The following PSTPIP1 variants were observed in gnomAD, a reference collection of about 807,000 sequenced individuals.
PSTPIP1 encodes the protein proline-serine-threonine phosphatase-interacting protein 1.
PSTPIP1 carries 66 observed loss-of-function variants against 69.6 expected under a neutral mutation model. The observed-to-expected ratio is 0.95, with a 90% confidence interval of 0.78 to 1.16. The LOEUF is 1.16. PSTPIP1 is among the 50% of genes most tolerant of loss of function. The pLI is 0.00. For missense variants in PSTPIP1, 603 were observed against 557.4 expected, an observed-to-expected ratio of 1.08 and a Z score of -0.82; for synonymous variants, 266 against 222.7, an observed-to-expected ratio of 1.19 and a Z score of -1.73.
intron 5 of PSTPIP1, chr15:77,026,313 A>G (rs1169031730): frequency 2.4e-6 from 1 of 420,212 alleles, no homozygotes; most frequent in African/African-American, 2.0e-5. Context: ...TGAGCCTCTC[A>G]GGGCCTTAGT....
chr15:77,007,971 C>CG lies in PSTPIP1; in HGVS notation c.37-10177_37-10176insG, dbSNP rs368613198. On this transcript the variant is annotated intron_variant, in intron 1 of 14. Transcript: ENST00000558012. ...CTTGGTCACCTCCTGAACAATTGCC[C>CG]ATTGACCTGGACCAGCTCTGAGCCC... The CG allele has an allele frequency of 1.2e-3, 565 of 455,722 alleles. 3 individuals carry two copies. The highest frequency in any genetic ancestry group is 2.1e-3 in the Non-Finnish European group (486 of 226,638). The allele number at this position is 455,722 out of a possible 1,614,324, so 28.2% of individuals were successfully genotyped here. A position where few individuals can be genotyped will look rare whatever the true frequency, so the allele number is the denominator to read the frequency against.
In PSTPIP1 at chr15:77,035,852, AC is replaced by A; in HGVS notation, c.1037del (p.Thr346LysfsTer43). The stretch of plus-strand genomic sequence containing the variant: ...CCCCGAGCGGAATGAGGGTGTCTAC[AC>A]AGCCATCGCAGTGCAGGAGATACAG... ...PTPERNEGVY[T>X]AIAVQEIQGN... On this transcript the variant is annotated frameshift_variant, in exon 14 of 15. Transcript: ENST00000558012. LOFTEE classifies it high-confidence loss of function. The A allele has an allele frequency of 6.2e-7, 1 of 1,610,672 alleles. No homozygotes were observed. The highest frequency in any genetic ancestry group is 8.5e-7 in the Non-Finnish European group (1 of 1,179,648).
Position 77,037,057 on chromosome 15 carries a change from C to T in PSTPIP1, c.1132C>T (p.Leu378=), listed in dbSNP as rs1280651757. The T allele has an allele frequency of 3.1e-6, 5 of 1,612,078 alleles. No individual in the cohort carries two copies. The highest frequency in any genetic ancestry group is 4.5e-5 in the East Asian group (2 of 44,882). Residue 378 remains leucine (L), a synonymous_variant, in exon 15 of 15, where the codon CTG becomes TTG. Coordinates refer to ENST00000558012, the MANE Select transcript of PSTPIP1 (RefSeq NM_003978.5). ...YDYTAQNPDE[L]DLSAGDILEV... ...ATCTCTTGGCCAGAACCCAGATGAG[C>T]TGGACCTGTCCGCGGGAGACATCCT...
chr15:77,023,977 CCTT>C (rs1369139998), intron 3 of PSTPIP1: 3 of 152,396 alleles, frequency 2.0e-5, no homozygotes, highest in Non-Finnish European at 2.9e-5. Context: ...CCACCCCTCT[CCTT>C]CTTCCTCTCC....
chr15:77,034,987 A>G (rs1340773878), intron 12 of PSTPIP1, among the ~76,000 whole-genome samples: 1 of 152,222 alleles, frequency 6.6e-6, no homozygotes, highest in African/African-American at 2.4e-5. Context: ...GTGGGCCCAC[A>G]GGGAGGAGGG....
intron 1 of PSTPIP1, among the ~76,000 whole-genome samples, chr15:77,011,701 C>T (rs1014905731): frequency 2.0e-5 from 3 of 152,168 alleles, no homozygotes; most frequent in Non-Finnish European, 4.4e-5. Context: ...CGCAGCAGTA[C>T]TTGAGTCAGG....
chr15:76,996,769 G>T (rs2075590335), intron 1 of PSTPIP1, among the ~76,000 whole-genome samples: 2 of 152,338 alleles, frequency 1.3e-5, no homozygotes, highest in East Asian at 3.9e-4. Context: ...AGACAGGGTG[G>T]GCCCAGCCCA....
Position 77,037,173 on chromosome 15 carries a change from T to C in PSTPIP1, c.1248T>C (p.Leu416=), listed in dbSNP as rs556322755. Residue 416 remains leucine, a synonymous_variant, in exon 15 of 15, where the codon CTT becomes CTC. Transcript: ENST00000558012. The stretch of plus-strand genomic sequence containing the variant: ...TCCCTGGTTCCTACCTGGAGAAGCT[T>C]TGAGGAAGGGCCAGGAGCCCCTTCG... The part of the protein sequence containing the change: ...GFVPGSYLEK[L] The C allele has an allele frequency of 1.1e-5, 17 of 1,604,614 alleles. No homozygotes were observed. Among genetic ancestry groups the C allele is most frequent in the African/African-American group, 9.4e-5 (7 of 74,816 alleles).
intron 1 of PSTPIP1, among the ~76,000 whole-genome samples, chr15:76,996,954 CA>C (rs750011080): frequency 2.0e-5 from 3 of 152,190 alleles, no homozygotes; most frequent in Non-Finnish European, 2.9e-5. Flanking sequence ...AAACCCAGGC[CA>C]CTCTGTAGCC....
At chr15:77,034,266 TCCA>T (rs2076499830) in intron 12 of PSTPIP1, among the ~76,000 whole-genome samples, 4 of 152,020 alleles carry the variant, frequency 2.6e-5, no homozygotes, top group African/African-American at 7.2e-5. Flanking sequence ...GGCCGCTTCC[TCCA>T]CCTGTCCCCA....
intron 7 of PSTPIP1, 137 bp from the exon 8 acceptor site, chr15:77,029,392 T>C (rs2076360218): frequency 2.1e-6 from 2 of 943,274 alleles, no homozygotes; most frequent in Non-Finnish European, 3.2e-6. Context: ...TTGTGGATGA[T>C]GGCATCTGCC....
intron 3 of PSTPIP1, among the ~76,000 whole-genome samples, chr15:77,024,911 C>T (rs901400193): frequency 4.9e-4 from 75 of 152,188 alleles, no homozygotes; most frequent in African/African-American, 1.7e-3. Context: ...CATTTGGTAC[C>T]TGCCGAGGAG....
At chr15:77,002,546 G>C (rs1045275047) in intron 1 of PSTPIP1, among the ~76,000 whole-genome samples, 9 of 152,182 alleles carry the variant, frequency 5.9e-5, no homozygotes, top group African/African-American at 7.2e-5. Context: ...CCACATGCTC[G>C]GTGCATATTT....
At chr15:77,035,996 T>C (rs539670123) in intron 14 of PSTPIP1, 61 bp downstream of exon 14, 43 of 1,510,740 alleles carry the variant, frequency 2.8e-5, no homozygotes, top group Non-Finnish European at 3.5e-5. Flanking sequence ...GAGCTCCCTC[T>C]CCCATCCAGT....
chr15:76,996,667 C>T, intron 1 of PSTPIP1, among the ~76,000 whole-genome samples: 1 of 152,248 alleles, frequency 6.6e-6, no homozygotes, highest in Non-Finnish European at 1.5e-5. Context: ...GAGTGTTCTG[C>T]TTCCTCTGCT....
At chr15:77,022,713 A>C (rs117606006) in intron 3 of PSTPIP1, among the ~76,000 whole-genome samples, 1 of 152,172 alleles carries the variant, frequency 6.6e-6, no homozygotes, top group African/African-American at 2.4e-5. Context: ...TTGAAATTTC[A>C]TCTGGGGCCA....
intron 6 of PSTPIP1, 186 bp from the exon 7 acceptor site, chr15:77,028,368 C>A: frequency 3.6e-6 from 2 of 552,716 alleles, no homozygotes; most frequent in South Asian, 2.4e-5. Flanking sequence ...AGCAGGACTA[C>A]CAGCAGCCCC....
At chr15:77,010,770 C>G (rs2075917716) in intron 1 of PSTPIP1, among the ~76,000 whole-genome samples, 1 of 152,144 alleles carries the variant, frequency 6.6e-6, no homozygotes, top group African/African-American at 2.4e-5. Context: ...GCCTCACCCT[C>G]CGAGTAGCGG....
At chr15:76,996,716 G>T (rs1338285193) in intron 1 of PSTPIP1, among the ~76,000 whole-genome samples, 2 of 152,242 alleles carry the variant, frequency 1.3e-5, no homozygotes, top group African/African-American at 4.8e-5. Flanking sequence ...CGTGGGGAGG[G>T]CACCTTGTGC....
Sources: allele counts gnomAD v4.1 joint callset (sites outside exome capture counted in the v4.1 genomes callset), GRCh38; gene constraint gnomAD v4.1.1; transcripts MANE v1.5; gene names NCBI Gene and HGNC (gene_info 2026-07-23, HGNC 2026-07-21).